The following NTN1 variants were observed in gnomAD, a reference collection of about 807,000 sequenced individuals.
NTN1 encodes netrin 1, also known as netrin-1.
In NTN1, 11 loss-of-function variants were observed where a neutral mutation model predicts 54.2. That is an observed-to-expected ratio of 0.20 (90% CI 0.13 to 0.34). The LOEUF (loss-of-function observed/expected upper bound fraction) is 0.34, where lower values mean the gene tolerates loss of function less well. Among genes scored for constraint, NTN1 ranks in the 10% least tolerant of loss-of-function variants. The pLI is 1.00. For synonymous variants in NTN1, 371 were observed against 382.0 expected (o/e 0.97, Z 0.33); for missense variants, 740 against 893.1 (o/e 0.83, Z 2.18).
In NTN1 at chr17:9,053,381, G is replaced by A. The variant is rs918183649; in HGVS notation, c.1018+29990G>A. Reference sequence around the variant, plus strand: ...GTTACTCAGGGGGTTTGGGAGAGCTGTTGTAAAAGCTCTGGACTAATGATT... The same window carrying A: ...GTTACTCAGGGGGTTTGGGAGAGCTATTGTAAAAGCTCTGGACTAATGATT... On this transcript the variant is annotated intron_variant, in intron 2 of 6. Coordinates refer to ENST00000173229, the MANE Select transcript of NTN1 (RefSeq NM_004822.3). Among the ~76,000 whole-genome samples, 12 of 152,218 alleles carry A rather than the reference G, an allele frequency of 7.9e-5. No homozygotes were observed. In the South Asian group the frequency reaches 2.3e-3, roughly 29 times the overall value.
the NTN1 span, among the ~76,000 whole-genome samples, chr17:9,007,280 A>G: frequency 0.063 from 8,155 of 129,926 alleles, 282 homozygotes; most frequent in South Asian, 0.13. Context: ...CTTTTCTTTC[A>G]TCCCTTCCTT....
Position 9,022,851 on chromosome 17 carries a change from GCCA to G in NTN1, c.479_481del (p.Ala160_Ile161delinsVal). 1 of 1,611,464 alleles carries G rather than the reference GCCA, an allele frequency of 6.2e-7. No homozygotes were observed. The highest frequency in any genetic ancestry group is 8.5e-7 in the Non-Finnish European group (1 of 1,179,560). On this transcript the variant is annotated inframe_deletion, in exon 2 of 7. Transcript: ENST00000173229. ...CTGCTCGCCGCGGCCCGAGTCCATGGCCATCTACAAGTCCATGGACTACGGGCG... is the reference window on the plus strand; with the variant it reads ...CTGCTCGCCGCGGCCCGAGTCCATGGTCTACAAGTCCATGGACTACGGGCG...
chr17:9,118,698 T>C (rs2092222779), intron 2 of NTN1, among the ~76,000 whole-genome samples: 2 of 151,584 alleles, frequency 1.3e-5, no homozygotes, highest in East Asian at 1.9e-4. Context: ...TCGGTCTGCC[T>C]GGATTTGCCT....
chr17:9,227,342 C>T (rs1241711979), intron 6 of NTN1, among the ~76,000 whole-genome samples: 1 of 151,158 alleles, frequency 6.6e-6, no homozygotes, highest in Non-Finnish European at 1.5e-5. Context: ...GATACACAGA[C>T]TATCAGTCAC....
intron 2 of NTN1, among the ~76,000 whole-genome samples, chr17:9,044,966 G>A (rs2091937005): frequency 6.6e-6 from 1 of 152,158 alleles, no homozygotes; most frequent in Admixed American, 6.5e-5. Flanking sequence ...GGAAAAAAAT[G>A]CACTGTCATT....
intron 2 of NTN1, among the ~76,000 whole-genome samples, chr17:9,061,678 T>C (rs926825855): frequency 6.6e-6 from 1 of 151,658 alleles, no homozygotes; most frequent in African/African-American, 2.4e-5. Flanking sequence ...GTTTTTTTGT[T>C]GTTGTTGTTG....
chr17:9,110,931 CTTTTT>C (rs34319949), intron 2 of NTN1, among the ~76,000 whole-genome samples: 1 of 104,360 alleles, frequency 9.6e-6, no homozygotes. Flanking sequence ...AATTCAGGAT[CTTTTT>C]TTTTTTTTTT....
intron 2 of NTN1, 142 bp from the exon 3 acceptor site, chr17:9,162,671 A>C (rs1444917860): frequency 2.7e-6 from 2 of 749,518 alleles, no homozygotes; most frequent in South Asian, 3.5e-5. Flanking sequence ...GCCGAGGAGG[A>C]GCTCCTGGAG....
At chr17:9,227,388 C>CGCTT (rs10624631) in intron 6 of NTN1, among the ~76,000 whole-genome samples, 1 of 149,950 alleles carries the variant, frequency 6.7e-6, no homozygotes, top group Non-Finnish European at 1.5e-5. Context: ...ACACCACACA[C>CGCTT]TATCACACAG....
intron 2 of NTN1, among the ~76,000 whole-genome samples, chr17:9,046,541 C>T (rs2091941932): frequency 6.6e-6 from 1 of 152,210 alleles, no homozygotes; most frequent in South Asian, 2.1e-4. Flanking sequence ...GATCCCGGTA[C>T]TTCGGGAGGC....
intron 2 of NTN1, among the ~76,000 whole-genome samples, chr17:9,049,476 T>C (rs1255460208): frequency 6.6e-6 from 1 of 152,154 alleles, no homozygotes; most frequent in African/African-American, 2.4e-5. Flanking sequence ...GTAATGGACA[T>C]AGTGACATCA....
At chr17:9,037,975 T>C (rs1470196387) in intron 2 of NTN1, among the ~76,000 whole-genome samples, 2 of 152,176 alleles carry the variant, frequency 1.3e-5, no homozygotes, top group Non-Finnish European at 2.9e-5. Context: ...TCTCATCTCC[T>C]GGCACTTTGC....
At chr17:9,005,952 C>T in the NTN1 span, among the ~76,000 whole-genome samples, 1 of 152,196 alleles carries the variant, frequency 6.6e-6, no homozygotes, top group Non-Finnish European at 1.5e-5. Flanking sequence ...TGCCCAGAGG[C>T]CCCCCTTGGC....
chr17:9,145,043 C>A (rs961058370), intron 2 of NTN1, among the ~76,000 whole-genome samples: 5 of 152,222 alleles, frequency 3.3e-5, no homozygotes, highest in Non-Finnish European at 7.3e-5. Context: ...CAGTGCGCCA[C>A]CCCCCGAGGC....
chr17:9,221,070 C>G lies in NTN1; in HGVS notation c.1412-98C>G. ...CCTGGCCCATGGGTATCACAGGCCT[C>G]TGGCTATTTAGGGAGGCGGCCTCCT... is the stretch of plus-strand genomic sequence containing the variant. On this transcript the variant is annotated intron_variant, in intron 5 of 6. Coordinates refer to ENST00000173229, the MANE Select transcript of NTN1 (RefSeq NM_004822.3). This position sits in a 1 kb window ranked among gnomAD's most constrained non-coding sequence, Gnocchi z 4.5. 2 of 903,574 alleles carry G rather than the reference C, an allele frequency of 2.2e-6. No homozygotes were observed. The highest frequency in any genetic ancestry group is 3.7e-6 in the Non-Finnish European group (2 of 537,758). The allele number at this position is 903,574 out of a possible 1,614,324, so 56.0% of individuals were successfully genotyped here.
rs1236907234 is a variant in NTN1 at position 9,023,197 on chromosome 17, C to T, written c.824C>T (p.Ala275Val). 6.4e-7 allele frequency: 1 copy of T among 1,563,132 alleles called. No individual in the cohort carries two copies. Among genetic ancestry groups the T allele is most frequent in the African/African-American group, 1.4e-5 (1 of 73,862 alleles). The stretch of plus-strand genomic sequence containing the variant: ...CTGGCGCGCGACTCGTACTTCTACG[C>T]GGTGTCCGACCTGCAGGTGGGCGGC... The part of the protein sequence containing the change: ...SELARDSYFY[A>V]VSDLQVGGRC... The change falls in exon 2 of 7, where the codon GCG (alanine) becomes GTG (valine). Residue 275 changes from alanine (A) to valine (V), a missense_variant. Transcript: ENST00000173229.
chr17:9,226,161 TC>T (rs71361411), intron 6 of NTN1, among the ~76,000 whole-genome samples: 9 of 118,122 alleles, frequency 7.6e-5, no homozygotes, highest in South Asian at 3.3e-4. Context: ...GGATTTGGGG[TC>T]GGGGGGGGGC....
intron 2 of NTN1, among the ~76,000 whole-genome samples, chr17:9,068,050 C>T (rs1404515209): frequency 6.6e-6 from 1 of 152,190 alleles, no homozygotes; most frequent in African/African-American, 2.4e-5. Flanking sequence ...AGCACGGTGC[C>T]TTAGGGCCTC....
chr17:9,164,280 C>G (rs2092367511), intron 3 of NTN1, among the ~76,000 whole-genome samples: 1 of 152,152 alleles, frequency 6.6e-6, no homozygotes. Context: ...GCAAAATTAA[C>G]TGGGTGTGGT....
Sources: allele counts gnomAD v4.1 joint callset (sites outside exome capture counted in the v4.1 genomes callset), GRCh38; gene constraint gnomAD v4.1.1; non-coding constraint Gnocchi (gnomAD v3.1); transcripts MANE v1.5; gene names NCBI Gene and HGNC (gene_info 2026-07-23, HGNC 2026-07-21).